Variants in FNTB observed in about 807,000 individuals in gnomAD.
FNTB encodes protein farnesyltransferase subunit beta.
A neutral mutation model predicts 59.4 loss-of-function variants in FNTB; 27 were observed. The observed-to-expected ratio is 0.45, with a 90% CI of 0.34 to 0.63. FNTB has a LOEUF of 0.63. Among genes scored for constraint, FNTB ranks in the 20% least tolerant of loss-of-function variants. FNTB has a pLI of 0.02. For missense variants in FNTB, 449 were observed against 559.6 expected, an observed-to-expected ratio of 0.80 and a Z score of 1.99; for synonymous variants, 230 against 220.7, an observed-to-expected ratio of 1.04 and a Z score of -0.37.
intron 9 of FNTB, among the ~76,000 whole-genome samples, chr14:65,052,281 C>A (rs138547754): frequency 4.2e-4 from 64 of 152,210 alleles, no homozygotes; most frequent in Non-Finnish European, 7.8e-4. Context: ...ATAAGCTACA[C>A]AGTTATAATA....
intron 4 of FNTB, among the ~76,000 whole-genome samples, chr14:65,025,853 T>C (rs1400444986): frequency 1.3e-5 from 2 of 152,174 alleles, no homozygotes; most frequent in Non-Finnish European, 1.5e-5. Flanking sequence ...ACATAATTGT[T>C]TTCAACTTCA....
Position 64,990,155 on chromosome 14 carries a change from T to A in FNTB, c.144+3058T>A, listed in dbSNP as rs924033265. 6.6e-6 allele frequency among the ~76,000 whole-genome samples: 1 copy of A among 152,124 alleles called. No individual in the cohort carries two copies. The highest frequency in any genetic ancestry group is 2.4e-5 in the African/African-American group (1 of 41,408). Reference sequence around the variant, plus strand: ...ACCAGAGAGTAGGAGATGGGTCGGATCATGTAGGGTCTCATTGGCCTTTGG... The same window carrying A: ...ACCAGAGAGTAGGAGATGGGTCGGAACATGTAGGGTCTCATTGGCCTTTGG... On this transcript the variant is annotated intron_variant, in intron 1 of 11. Transcript: ENST00000246166. This position sits in a 1 kb window ranked among gnomAD's most constrained non-coding sequence, Gnocchi z 5.2.
Position 65,060,651 on chromosome 14 carries a change from C to G in FNTB, c.1183-530C>G, listed in dbSNP as rs1282727833. On this transcript the variant is annotated intron_variant, in intron 11 of 11. Coordinates refer to ENST00000246166, the MANE Select transcript of FNTB (RefSeq NM_002028.4). ...GCGGAGCTTGCAGTGAGCCGAGATC[C>G]CGCCACTGCACTCCAGCCTGGGCGA... is the stretch of plus-strand genomic sequence containing the variant. 9.1e-5 allele frequency among the ~76,000 whole-genome samples: 9 copies of G among 98,980 alleles called. 1 individual carries two copies. In the East Asian group the frequency reaches 1.9e-3, roughly 21 times the overall value. The allele number at this position is 98,980 out of a possible 152,430, so 64.9% of individuals were successfully genotyped here.
chr14:65,013,839 C>T (rs1239988087), intron 3 of FNTB, among the ~76,000 whole-genome samples: 1 of 152,202 alleles, frequency 6.6e-6, no homozygotes, highest in African/African-American at 2.4e-5. Flanking sequence ...TGAGCTACTG[C>T]GCCCAGTTGC....
chr14:64,999,880 A>G (rs1363818663), intron 1 of FNTB, among the ~76,000 whole-genome samples: 1 of 152,238 alleles, frequency 6.6e-6, no homozygotes, highest in African/African-American at 2.4e-5. Context: ...TAGGAACTCC[A>G]AAGAGAAGGA....
intron 7 of FNTB, among the ~76,000 whole-genome samples, chr14:65,036,167 T>A (rs906502521): frequency 2.6e-5 from 4 of 152,168 alleles, no homozygotes; most frequent in African/African-American, 9.7e-5. Flanking sequence ...TTGGACAAGT[T>A]ATTCCACTGC....
rs1485022595 is a variant in FNTB at position 65,047,891 on chromosome 14, C to T, written c.955+3448C>T. On this transcript the variant is annotated intron_variant, in intron 9 of 11. Coordinates refer to ENST00000246166, the MANE Select transcript of FNTB (RefSeq NM_002028.4). The surrounding 1 kb of genome is among the most constrained non-coding windows in gnomAD (Gnocchi z 5.2). ...CAGCCCGAGATGTACACAGCTTTTC[C>T]TGGAACCCTACACAAAACCCCTTGA... is the stretch of plus-strand genomic sequence containing the variant. Among the ~76,000 whole-genome samples, 13 of 152,104 alleles carry T rather than the reference C, an allele frequency of 8.5e-5. No individual in the cohort carries two copies.
chr14:64,992,314 C>T (rs1180145169), intron 1 of FNTB, among the ~76,000 whole-genome samples: 1 of 152,060 alleles, frequency 6.6e-6, no homozygotes, highest in East Asian at 1.9e-4. Flanking sequence ...GTGAAAAATA[C>T]CTGCTTACAA....
chr14:64,994,360 C>T lies in FNTB; in HGVS notation c.144+7263C>T, dbSNP rs1888317091. Among the ~76,000 whole-genome samples, 1 of 152,114 alleles carries T rather than the reference C, an allele frequency of 6.6e-6. No individual in the cohort carries two copies. On this transcript the variant is annotated intron_variant, in intron 1 of 11. Coordinates refer to ENST00000246166, the MANE Select transcript of FNTB (RefSeq NM_002028.4). This position sits in a 1 kb window ranked among gnomAD's most constrained non-coding sequence, Gnocchi z 4.2. ...TTACTGAACAATACAAACTAATATA[C>T]ATATAGTTATGTATCACTTAACAGT...
intron 4 of FNTB, among the ~76,000 whole-genome samples, chr14:65,020,379 C>T (rs576997417): frequency 6.6e-6 from 1 of 152,326 alleles, no homozygotes; most frequent in African/African-American, 2.4e-5. Flanking sequence ...TCCCAAAACA[C>T]TGGGATTATA....
intron 9 of FNTB, among the ~76,000 whole-genome samples, chr14:65,049,595 G>A (rs2062561695): frequency 6.6e-6 from 1 of 152,062 alleles, no homozygotes; most frequent in Non-Finnish European, 1.5e-5. Flanking sequence ...TAATAATATA[G>A]GAAGTCACTG....
intron 2 of FNTB, among the ~76,000 whole-genome samples, chr14:65,004,896 C>A (rs1318189645): frequency 6.6e-6 from 1 of 152,208 alleles, no homozygotes; most frequent in Non-Finnish European, 1.5e-5. Context: ...CTCCTGACTT[C>A]AGGTGATCCA....
chr14:65,051,597 T>C (rs1018906203), intron 9 of FNTB, among the ~76,000 whole-genome samples: 10 of 150,920 alleles, frequency 6.6e-5, no homozygotes, highest in Admixed American at 2.0e-4. Flanking sequence ...GGCAACAGAG[T>C]GAGACTCTGT....
At position 65,054,537 on chromosome 14, in the gene FNTB, G is replaced by A; in HGVS notation, c.1068-38G>A. ...GGCTACATTTGTAGATGTGTGCGGA[G>A]CAGAGGAGCGCCTGCTCAGAGCTGC... On this transcript the variant is annotated intron_variant, in intron 10 of 11. Coordinates refer to ENST00000246166, the MANE Select transcript of FNTB (RefSeq NM_002028.4). This position sits in a 1 kb window ranked among gnomAD's most constrained non-coding sequence, Gnocchi z 4.4. 1 of 1,590,396 alleles carries A rather than the reference G, an allele frequency of 6.3e-7. No individual in the cohort carries two copies. Among genetic ancestry groups the A allele is most frequent in the Non-Finnish European group, 8.6e-7 (1 of 1,166,702 alleles).
rs1566868238 is a variant in FNTB at position 65,011,356 on chromosome 14, G to T, written c.210-961G>T. On this transcript the variant is annotated intron_variant, in intron 2 of 11. Coordinates refer to ENST00000246166, the MANE Select transcript of FNTB (RefSeq NM_002028.4). The surrounding 1 kb of genome is among the most constrained non-coding windows in gnomAD (Gnocchi z 4.0). ...AGGCAGGAGAATAGCTTGAACCCAA[G>T]AGGTGGAGGTTGCAGTAAGCTGAAA... Among the ~76,000 whole-genome samples, 1 of 150,076 alleles carries T rather than the reference G, an allele frequency of 6.7e-6. No individual in the cohort carries two copies. The highest frequency in any genetic ancestry group is 2.5e-5 in the African/African-American group (1 of 40,716).
In FNTB at chr14:65,032,449, C is replaced by G; in HGVS notation, c.606-161C>G. 3.4e-6 allele frequency: 2 copies of G among 590,394 alleles called. No homozygotes were observed. The highest frequency in any genetic ancestry group is 5.6e-6 in the Non-Finnish European group (2 of 357,516). 36.6% of individuals were successfully genotyped at this position (590,394 alleles called of 1,614,324 possible). A position where few individuals can be genotyped will look rare whatever the true frequency, so the allele number is the denominator to read the frequency against. The stretch of plus-strand genomic sequence containing the variant: ...AACTCTATCCAAATAGAATGTCACA[C>G]CTCTCAGTTGGAGACCCAGGAGGAC... On this transcript the variant is annotated intron_variant, in intron 6 of 11. Coordinates refer to ENST00000246166, the MANE Select transcript of FNTB (RefSeq NM_002028.4). This position sits in a 1 kb window ranked among gnomAD's most constrained non-coding sequence, Gnocchi z 5.0.
chr14:65,043,593 C>T (rs531171109), intron 8 of FNTB, among the ~76,000 whole-genome samples: 2 of 151,788 alleles, frequency 1.3e-5, no homozygotes, highest in African/African-American at 2.4e-5. Flanking sequence ...GAGGCCGAGG[C>T]GGGTGGATCA....
chr14:65,036,954 G>T (rs1434582414), intron 7 of FNTB, among the ~76,000 whole-genome samples: 1 of 151,892 alleles, frequency 6.6e-6, no homozygotes, highest in Non-Finnish European at 1.5e-5. Flanking sequence ...GTTTATTCTT[G>T]TTTGGAAACT....
At chr14:65,015,170 T>G (rs1322637927) in intron 3 of FNTB, among the ~76,000 whole-genome samples, 1 of 151,574 alleles carries the variant, frequency 6.6e-6, no homozygotes, top group Non-Finnish European at 1.5e-5. Context: ...TGGTGCCATC[T>G]CGGCTCACTG....
Sources: allele counts gnomAD v4.1 joint callset (sites outside exome capture counted in the v4.1 genomes callset), GRCh38; gene constraint gnomAD v4.1.1; non-coding constraint Gnocchi (gnomAD v3.1); transcripts MANE v1.5; gene names NCBI Gene and HGNC (gene_info 2026-07-23, HGNC 2026-07-21).